PPP6R3: variants seen among roughly 807,000 people sequenced by gnomAD.
PPP6R3 encodes the protein serine/threonine-protein phosphatase 6 regulatory subunit 3.
In PPP6R3, 38 loss-of-function variants were observed where a neutral mutation model predicts 110.7. That is an observed-to-expected ratio of 0.34 (90% CI 0.26 to 0.45). The LOEUF (loss-of-function observed/expected upper bound fraction) is 0.45. PPP6R3 is among the 20% of genes least tolerant of loss of function. PPP6R3 has a pLI of 1.00. For synonymous variants in PPP6R3, 369 were observed against 373.5 expected, an observed-to-expected ratio of 0.99 and a Z score of 0.14; for missense variants, 870 against 1,062.4, an observed-to-expected ratio of 0.82 and a Z score of 2.52.
chr11:68,489,255 A>G (rs1307721989), intron 1 of PPP6R3, among the ~76,000 whole-genome samples: 4 of 151,786 alleles, frequency 2.6e-5, no homozygotes, highest in Non-Finnish European at 5.9e-5. Flanking sequence ...TCCTGACCTC[A>G]TGATCCGCCC....
chr11:68,555,898 A>G (rs1378038280), intron 7 of PPP6R3, among the ~76,000 whole-genome samples: 1 of 152,236 alleles, frequency 6.6e-6, no homozygotes, highest in Non-Finnish European at 1.5e-5. Context: ...CTGTTTGAGA[A>G]TAAGAACCAA....
chr11:68,471,284 A>C (rs1330990078), intron 1 of PPP6R3, among the ~76,000 whole-genome samples: 1 of 132,288 alleles, frequency 7.6e-6, no homozygotes, highest in African/African-American at 3.6e-5. Flanking sequence ...TTCTGTCTCA[A>C]AAAAAAAAAA....
intron 1 of PPP6R3, among the ~76,000 whole-genome samples, chr11:68,465,696 A>G (rs1346876691): frequency 6.6e-6 from 1 of 152,192 alleles, no homozygotes; most frequent in African/African-American, 2.4e-5. Flanking sequence ...ACAGGCCCTT[A>G]AGGACCTGCA....
intron 2 of PPP6R3, among the ~76,000 whole-genome samples, chr11:68,530,679 C>T (rs934157734): frequency 1.3e-5 from 2 of 152,170 alleles, no homozygotes; most frequent in African/African-American, 4.8e-5. Context: ...TGCTCAGAAA[C>T]ACTTGGATTA....
At chr11:68,477,741 A>AAAAAAAAAAAAATAT in intron 1 of PPP6R3, among the ~76,000 whole-genome samples, 3 of 57,894 alleles carry the variant, frequency 5.2e-5, no homozygotes, top group Admixed American at 2.0e-4. Context: ...AAAAAAAAAA[A>AAAAAAAAAAAAATAT]ATATATATAT....
chr11:68,517,800 T>C (rs1447745725), intron 1 of PPP6R3, among the ~76,000 whole-genome samples: 1 of 152,008 alleles, frequency 6.6e-6, no homozygotes, highest in Non-Finnish European at 1.5e-5. Flanking sequence ...TAAGCAGGCA[T>C]GTTGGCGGTT....
chr11:68,600,509 G>T lies in PPP6R3; in HGVS notation c.2192+15G>T, dbSNP rs1409807013. Reference sequence around the variant, plus strand: ...TCTTCCCTGAGGTGAGCGAACATGTGCTGTCTCTACACCCTTCCACGGGGG... The same window carrying T: ...TCTTCCCTGAGGTGAGCGAACATGTTCTGTCTCTACACCCTTCCACGGGGG... On this transcript the variant is annotated intron_variant, in intron 20 of 23. Coordinates refer to ENST00000393800, the MANE Select transcript of PPP6R3 (RefSeq NM_001164161.2). 2 of 1,611,286 alleles carry T rather than the reference G, an allele frequency of 1.2e-6. No individual in the cohort carries two copies. The highest frequency in any genetic ancestry group is 1.7e-6 in the Non-Finnish European group (2 of 1,179,106).
intron 1 of PPP6R3, among the ~76,000 whole-genome samples, chr11:68,474,226 G>A (rs1413129175): frequency 1.3e-5 from 2 of 151,996 alleles, no homozygotes; most frequent in Non-Finnish European, 2.9e-5. Flanking sequence ...TACAATTTTT[G>A]TAGAGACAGG....
chr11:68,525,074 A>C (rs1351011724), intron 2 of PPP6R3, among the ~76,000 whole-genome samples: 1 of 152,198 alleles, frequency 6.6e-6, no homozygotes, highest in Non-Finnish European at 1.5e-5. Context: ...AAAAGTGCAC[A>C]CTTTGGAGCT....
chr11:68,602,015 T>G, intron 21 of PPP6R3, 46 bp downstream of exon 21: 1 of 1,465,798 alleles, frequency 6.8e-7, no homozygotes, highest in Non-Finnish European at 9.3e-7. Flanking sequence ...ACGTGGCTGC[T>G]TTGTCAAACC....
chr11:68,598,291 G>T (rs2099620213), intron 19 of PPP6R3, among the ~76,000 whole-genome samples: 1 of 152,148 alleles, frequency 6.6e-6, no homozygotes, highest in South Asian at 2.1e-4. Context: ...TGACATTCTG[G>T]AATCTTTGGT....
intron 2 of PPP6R3, among the ~76,000 whole-genome samples, chr11:68,530,509 A>T (rs2099232311): frequency 6.6e-6 from 1 of 152,234 alleles, no homozygotes; most frequent in Admixed American, 6.5e-5. Flanking sequence ...AGGTAGCGGC[A>T]ACTTCTACTA....
At chr11:68,560,535 A>AT (rs1565849049) in intron 8 of PPP6R3, among the ~76,000 whole-genome samples, 2 of 152,218 alleles carry the variant, frequency 1.3e-5, no homozygotes, top group Non-Finnish European at 2.9e-5. Context: ...GAGCAGCCCC[A>AT]TATCAGTTGA....
intron 18 of PPP6R3, among the ~76,000 whole-genome samples, chr11:68,594,828 A>G (rs1262790334): frequency 6.6e-6 from 1 of 152,236 alleles, no homozygotes; most frequent in African/African-American, 2.4e-5. Context: ...CTTATTTTAA[A>G]ATTCAATAGT....
intron 15 of PPP6R3, chr11:68,586,680 T>A (rs2099579612): frequency 6.6e-6 from 1 of 151,364 alleles, no homozygotes; most frequent in Non-Finnish European, 1.5e-5. Flanking sequence ...TCTTCAGACC[T>A]AAGCAGTATA....
chr11:68,550,966 T>A (rs1356721218), intron 5 of PPP6R3, 155 bp from the exon 6 acceptor site: 1 of 572,088 alleles, frequency 1.7e-6, no homozygotes, highest in Non-Finnish European at 3.0e-6. Flanking sequence ...GCATTTTCCT[T>A]GGGGGACTTT....
chr11:68,480,835 C>A (rs2098903315), intron 1 of PPP6R3, among the ~76,000 whole-genome samples: 1 of 152,158 alleles, frequency 6.6e-6, no homozygotes, highest in Non-Finnish European at 1.5e-5. Context: ...CCCCCTCCTT[C>A]AATATGGAGT....
At chr11:68,576,083 C>A in intron 14 of PPP6R3, 40 bp downstream of exon 14, 1 of 1,416,178 alleles carries the variant, frequency 7.1e-7, no homozygotes, top group South Asian at 1.2e-5. Flanking sequence ...TTTCAGTGCT[C>A]TTAGCCTTTG....
Position 68,558,547 on chromosome 11 carries a change from T to C in PPP6R3, c.732-19T>C, listed in dbSNP as rs1209573702. ...GATAAGTGATACTGCAGTTAGTGAT[T>C]ATTGATTTGTTTCCCTAGGCAAGAA... On this transcript the variant is annotated intron_variant, in intron 7 of 23. Coordinates refer to ENST00000393800, the MANE Select transcript of PPP6R3 (RefSeq NM_001164161.2). 5.9e-6 allele frequency: 9 copies of C among 1,531,312 alleles called. No individual in the cohort carries two copies. Among genetic ancestry groups the C allele is most frequent in the Middle Eastern group, 1.7e-4 (1 of 5,948 alleles). The allele number at this position is 1,531,312 out of a possible 1,614,324, so 94.9% of individuals were successfully genotyped here. A position where few individuals can be genotyped will look rare whatever the true frequency, so the allele number is the denominator to read the frequency against.
Sources: allele counts gnomAD v4.1 joint callset (sites outside exome capture counted in the v4.1 genomes callset), GRCh38; gene constraint gnomAD v4.1.1; transcripts MANE v1.5; gene names NCBI Gene and HGNC (gene_info 2026-07-23, HGNC 2026-07-21).